CRY2: variants seen among roughly 807,000 people sequenced by gnomAD.
CRY2 encodes cryptochrome-2.
CRY2 carries 31 observed loss-of-function variants against 69.5 expected under a neutral mutation model. The observed-to-expected ratio is 0.45, with a 90% CI of 0.34 to 0.60. CRY2 has a LOEUF of 0.60. Among genes scored for constraint, CRY2 ranks in the 20% least tolerant of loss-of-function variants. The probability of loss-of-function intolerance (pLI) is 0.02; values close to 1 mark genes in which losing one functional copy is unlikely to be tolerated. For missense variants in CRY2, 606 were observed against 797.8 expected, an observed-to-expected ratio of 0.76 and a Z score of 2.90; for synonymous variants, 303 against 312.2, an observed-to-expected ratio of 0.97 and a Z score of 0.31.
At chr11:45,847,203 G>A (rs891896386), upstream of CRY2, 16 of 1,549,420 alleles carry the variant, frequency 1.0e-5, no homozygotes, top group African/African-American at 1.4e-5. Context: ...GGCACTCCGC[G>A]GACAGCCCCA....
chr11:45,847,291 T>A, upstream of CRY2: 5 of 1,495,188 alleles, frequency 3.3e-6, no homozygotes, highest in Non-Finnish European at 9.0e-7. Context: ...GGTAGGAACG[T>A]GAGGGGGCGG....
At chr11:45,871,065 A>G (rs2086377824) in intron 10 of CRY2, 131 bp downstream of exon 10, 2 of 693,880 alleles carry the variant, frequency 2.9e-6, no homozygotes, top group Non-Finnish European at 2.4e-6. Context: ...CAGATAGTAA[A>G]GAAACCAAGT....
rs2086236163 is a variant in CRY2 at position 45,856,039 on chromosome 11, C to T, written c.273C>T (p.Arg91=). ...CAAGTTTAAGGAAACTGAACTCCCG[C>T]CTGTTTGTAGTCCGGGGACAGCCAG... ...LDTSLRKLNS[R]LFVVRGQPAD... is the part of the protein sequence containing the mutation. The change falls in exon 2 of 12, where the codon CGC becomes CGT. Residue 91 remains arginine (R), a synonymous_variant. Coordinates refer to ENST00000616080, the MANE Select transcript of CRY2 (RefSeq NM_021117.5). The T allele has an allele frequency of 6.2e-7, 1 of 1,614,064 alleles. No homozygotes were observed. The highest frequency in any genetic ancestry group is 8.5e-7 in the Non-Finnish European group (1 of 1,180,050).
chr11:45,862,057 C>T lies in CRY2; in HGVS notation c.653-3C>T, dbSNP rs1168946807. 1.2e-6 allele frequency: 2 copies of T among 1,613,050 alleles called. No homozygotes were observed. The highest frequency in any genetic ancestry group is 1.1e-5 in the South Asian group (1 of 90,766). Reference sequence around the variant, plus strand: ...CTGTCTTGTGACCTTTCCTTCTCTTCAGGGTTCCCCACTGAAGGACTTGGT... The same window carrying T: ...CTGTCTTGTGACCTTTCCTTCTCTTTAGGGTTCCCCACTGAAGGACTTGGT... On this transcript the variant is annotated splice_polypyrimidine_tract_variant and splice_region_variant and intron_variant, in intron 4 of 11. Transcript: ENST00000616080.
At chr11:45,871,015 A>C (rs954767067) in intron 10 of CRY2, 81 bp downstream of exon 10, 57 of 1,227,792 alleles carry the variant, frequency 4.6e-5, no homozygotes, top group Admixed American at 1.8e-4. Context: ...GGCCAGAAGG[A>C]GGCCTTGCCC....
At chr11:45,866,987 G>A (rs568731597) in intron 5 of CRY2, among the ~76,000 whole-genome samples, 74 of 152,178 alleles carry the variant, frequency 4.9e-4, no homozygotes, top group African/African-American at 1.6e-3. Context: ...AAAAAAAGTC[G>A]TGAGAGACTG....
At chr11:45,865,492 G>GTAT (rs1246443653) in intron 5 of CRY2, among the ~76,000 whole-genome samples, 1 of 152,232 alleles carries the variant, frequency 6.6e-6, no homozygotes, top group African/African-American at 2.4e-5. Context: ...AAAATACCTA[G>GTAT]TATCTGTTAG....
chr11:45,860,953 C>T lies in CRY2; in HGVS notation c.573C>T (p.Ser191=), dbSNP rs1435763879. Residue 191 remains serine, a synonymous_variant, in exon 4 of 12, where the codon AGC becomes AGT. Transcript: ENST00000616080. ...AGAAGCCAGTGGGCTTGGTGACCAG[C>T]CAGCAGATGGAGAGCTGCAGGGCCG... ...LPKKPVGLVT[S]QQMESCRAEI... 1.2e-6 allele frequency: 2 copies of T among 1,614,114 alleles called. No individual in the cohort carries two copies. The highest frequency in any genetic ancestry group is 2.2e-5 in the South Asian group (2 of 91,086).
At chr11:45,867,830 A>G in intron 6 of CRY2, 78 bp downstream of exon 6, 1 of 1,592,406 alleles carries the variant, frequency 6.3e-7, no homozygotes, top group Non-Finnish European at 8.6e-7. Flanking sequence ...ACCCTAAAAA[A>G]GGCACTGGTG....
At chr11:45,852,883 A>G (rs539975805) in intron 1 of CRY2, among the ~76,000 whole-genome samples, 1 of 152,204 alleles carries the variant, frequency 6.6e-6, no homozygotes, top group Non-Finnish European at 1.5e-5. Flanking sequence ...TCTGCATTTC[A>G]ACAGACTCCT....
Position 45,859,372 on chromosome 11 carries a change from G to A in CRY2, c.467+499G>A, listed in dbSNP as rs1008294767. On this transcript the variant is annotated intron_variant, in intron 3 of 11. Coordinates refer to ENST00000616080, the MANE Select transcript of CRY2 (RefSeq NM_021117.5). ...GTCCATGAGTTCAAGATCAGCCTGG[G>A]CAACATAGTGAGACCCCCGTCTCTA... Among the ~76,000 whole-genome samples, 4 of 151,744 alleles carry A rather than the reference G, an allele frequency of 2.6e-5. No homozygotes were observed. In the South Asian group the frequency reaches 8.3e-4, roughly 32 times the overall value.
intron 5 of CRY2, among the ~76,000 whole-genome samples, chr11:45,863,649 C>T (rs1214302389): frequency 1.3e-5 from 2 of 150,752 alleles, no homozygotes; most frequent in Non-Finnish European, 3.0e-5. Context: ...GCCTCTTTTC[C>T]GAAAGCACCA....
In CRY2 at chr11:45,880,963, C is replaced by T. The variant is rs897655647; in HGVS notation, c.*52C>T. 5.9e-5 allele frequency: 9 copies of T among 152,366 alleles called. No individual in the cohort carries two copies. The highest frequency in any genetic ancestry group is 9.6e-5 in the African/African-American group (4 of 41,458). The allele number at this position is 152,366 out of a possible 1,614,324, so 9.4% of individuals were successfully genotyped here. A position where few individuals can be genotyped will look rare whatever the true frequency, so the allele number is the denominator to read the frequency against. ...AAAGCCTGGGTGCCCAAGCAGCCACCGCAGCAGCAGAGTACAACCTGCAGA... is the reference window on the plus strand; with the variant it reads ...AAAGCCTGGGTGCCCAAGCAGCCACTGCAGCAGCAGAGTACAACCTGCAGA... On this transcript the variant is annotated 3_prime_UTR_variant, in exon 12 of 12. Transcript: ENST00000616080.
chr11:45,879,078 A>G (rs1052968193), intron 11 of CRY2, among the ~76,000 whole-genome samples: 1 of 150,984 alleles, frequency 6.6e-6, no homozygotes, highest in African/African-American at 2.4e-5. Context: ...AAAAATACAA[A>G]ATTAGCCAGG....
rs1280925718 is a variant in CRY2, at chr11:45,847,605, G to A, written c.115G>A (p.Ala39Thr). The change falls in exon 1 of 12, where the codon GCG (alanine) becomes ACG (threonine). Residue 39 changes from alanine to threonine, a missense_variant. Ala to Thr is a moderately conservative substitution (Grantham distance 58). This residue lies in a region of CRY2 where 382 missense variants were observed against 508.9 expected (regional missense o/e 0.75). Coordinates refer to ENST00000616080, the MANE Select transcript of CRY2 (RefSeq NM_021117.5). ...AGGGCTGCGACTCCACGACAACCCG[G>A]CGTTGCTGGCGGCCGTGCGCGGGGC... ...RKGLRLHDNP[A>T]LLAAVRGARC... 1 of 1,605,986 alleles carries A rather than the reference G, an allele frequency of 6.2e-7. No individual in the cohort carries two copies. Among genetic ancestry groups the A allele is most frequent in the Admixed American group, 1.7e-5 (1 of 59,218 alleles).
intron 1 of CRY2, among the ~76,000 whole-genome samples, chr11:45,852,962 G>A (rs545969470): frequency 6.6e-6 from 1 of 152,236 alleles, no homozygotes; most frequent in African/African-American, 2.4e-5. Flanking sequence ...GGCAGCAGAG[G>A]TGTTGCTGGC....
chr11:45,867,843 T>G (rs2086343821), intron 6 of CRY2, 91 bp downstream of exon 6: 2 of 1,566,232 alleles, frequency 1.3e-6, no homozygotes, highest in African/African-American at 2.7e-5. Context: ...CACTGGTGGG[T>G]GGGGGTTGGG....
At chr11:45,860,758 G>T in intron 3 of CRY2, 90 bp from the exon 4 acceptor site, 1 of 1,445,200 alleles carries the variant, frequency 6.9e-7, no homozygotes, top group Non-Finnish European at 9.5e-7. Flanking sequence ...CACCCTCAAA[G>T]CCTTCAGAGT....
intron 5 of CRY2, among the ~76,000 whole-genome samples, chr11:45,867,022 A>T (rs1472977691): frequency 6.6e-6 from 1 of 152,230 alleles, no homozygotes; most frequent in African/African-American, 2.4e-5. Flanking sequence ...TCAGGAAAGT[A>T]AAGTCCTATG....
Sources: allele counts gnomAD v4.1 joint callset (sites outside exome capture counted in the v4.1 genomes callset), GRCh38; gene constraint gnomAD v4.1.1; regional missense constraint gnomAD v4.1.1; transcripts MANE v1.5; gene names NCBI Gene and HGNC (gene_info 2026-07-23, HGNC 2026-07-21).